TMTC2: variants seen among roughly 807,000 people sequenced by gnomAD.
TMTC2 encodes protein O-mannosyl-transferase TMTC2.
In TMTC2, 43 loss-of-function variants were observed where a neutral mutation model predicts 82.4. The ratio of observed to expected loss-of-function variants is 0.52; its 90% CI spans 0.41 to 0.67. The LOEUF is 0.67. Ranked by LOEUF, TMTC2 falls within the 30% of genes least tolerant of loss-of-function variation. The pLI, the probability that TMTC2 is intolerant of heterozygous loss-of-function variation, is 0.00. For missense variants in TMTC2, 919 were observed against 1,012.4 expected, an observed-to-expected ratio of 0.91 and a Z score of 1.25; for synonymous variants, 408 against 381.9, an observed-to-expected ratio of 1.07 and a Z score of -0.80.
intron 1 of TMTC2, among the ~76,000 whole-genome samples, chr12:82,844,527 C>T (rs959486712): frequency 6.6e-6 from 1 of 152,024 alleles, no homozygotes; most frequent in Non-Finnish European, 1.5e-5. Context: ...TCCAGCCGGG[C>T]GCAGTGGCTC....
intron 1 of TMTC2, among the ~76,000 whole-genome samples, chr12:82,836,858 C>T (rs1166909433): frequency 6.6e-6 from 1 of 152,050 alleles, no homozygotes; most frequent in East Asian, 1.9e-4. Context: ...TTTGACCAGC[C>T]TTCATTCCTT....
intron 11 of TMTC2, among the ~76,000 whole-genome samples, chr12:83,103,267 T>C (rs1038469140): frequency 7.9e-5 from 12 of 152,172 alleles, no homozygotes; most frequent in South Asian, 2.1e-4. Flanking sequence ...ACTCCCAATA[T>C]TGAGTCAAGA....
intron 3 of TMTC2, among the ~76,000 whole-genome samples, chr12:82,898,347 T>A (rs979100972): frequency 1.3e-5 from 2 of 152,240 alleles, no homozygotes; most frequent in Non-Finnish European, 2.9e-5. Flanking sequence ...TAAGGCTATG[T>A]TGCCAATTTA....
At chr12:83,116,136 C>T (rs755943454) in intron 11 of TMTC2, among the ~76,000 whole-genome samples, 15 of 152,168 alleles carry the variant, frequency 9.9e-5, no homozygotes, top group Non-Finnish European at 1.9e-4. Flanking sequence ...TTTGCATCCT[C>T]ATAGCTTAGC....
At chr12:82,806,991 C>G (rs761204544) in intron 1 of TMTC2, among the ~76,000 whole-genome samples, 2 of 152,104 alleles carry the variant, frequency 1.3e-5, no homozygotes, top group African/African-American at 4.8e-5. Flanking sequence ...TAGCACAGAA[C>G]CCTGTTGAGT....
At chr12:82,922,152 A>T (rs1329204514) in intron 3 of TMTC2, among the ~76,000 whole-genome samples, 1 of 152,162 alleles carries the variant, frequency 6.6e-6, no homozygotes, top group Non-Finnish European at 1.5e-5. Flanking sequence ...ATCACACTTC[A>T]CTGAAAGAAC....
At chr12:82,692,877 A>G (rs746219709) in intron 1 of TMTC2, among the ~76,000 whole-genome samples, 49 of 152,328 alleles carry the variant, frequency 3.2e-4, no homozygotes, top group Non-Finnish European at 5.7e-4. Flanking sequence ...TCATTGGGTG[A>G]AAAAGGCATA....
At chr12:82,711,930 T>G (rs1873641326) in intron 1 of TMTC2, among the ~76,000 whole-genome samples, 1 of 152,208 alleles carries the variant, frequency 6.6e-6, no homozygotes. Context: ...TAGAGAGAAG[T>G]GAATTCTCCT....
chr12:82,728,321 TTAAG>T (rs1874568908), intron 1 of TMTC2, among the ~76,000 whole-genome samples: 1 of 152,136 alleles, frequency 6.6e-6, no homozygotes, highest in African/African-American at 2.4e-5. Flanking sequence ...TTATGATTAT[TTAAG>T]TTTCTTAGTT....
intron 8 of TMTC2, among the ~76,000 whole-genome samples, chr12:83,007,491 A>C (rs1013183296): frequency 1.3e-5 from 2 of 152,122 alleles, no homozygotes; most frequent in African/African-American, 4.8e-5. Flanking sequence ...TGGACACTTT[A>C]TACTAAGTAT....
chr12:82,765,454 C>A (rs1876899446), intron 1 of TMTC2, among the ~76,000 whole-genome samples: 1 of 152,104 alleles, frequency 6.6e-6, no homozygotes, highest in African/African-American at 2.4e-5. Flanking sequence ...GCGGGCAGAT[C>A]ACCTGAGGTT....
chr12:83,106,029 A>C (rs1884381028), intron 11 of TMTC2, among the ~76,000 whole-genome samples: 1 of 152,230 alleles, frequency 6.6e-6, no homozygotes, highest in Non-Finnish European at 1.5e-5. Context: ...AAGGAAAAAT[A>C]CTGTTGAAAT....
At chr12:82,788,802 T>C (rs1296196424) in intron 1 of TMTC2, among the ~76,000 whole-genome samples, 1 of 152,110 alleles carries the variant, frequency 6.6e-6, no homozygotes, top group Non-Finnish European at 1.5e-5. Flanking sequence ...TCCAGGGTGC[T>C]GAAGTTCTAA....
At chr12:82,737,291 A>T (rs1875174706) in intron 1 of TMTC2, among the ~76,000 whole-genome samples, 1 of 152,188 alleles carries the variant, frequency 6.6e-6, no homozygotes, top group South Asian at 2.1e-4. Context: ...ATCCTACATT[A>T]TGTTCAGCTA....
At chr12:83,001,829 A>G (rs1476510013) in intron 8 of TMTC2, among the ~76,000 whole-genome samples, 1 of 152,068 alleles carries the variant, frequency 6.6e-6, no homozygotes, top group African/African-American at 2.4e-5. Flanking sequence ...AGACCACCTC[A>G]GCCTTAATTT....
At chr12:82,917,520 A>G (rs1288195753) in intron 3 of TMTC2, among the ~76,000 whole-genome samples, 1 of 152,140 alleles carries the variant, frequency 6.6e-6, no homozygotes, top group African/African-American at 2.4e-5. Context: ...ATGATAATGT[A>G]AGCTCATTTG....
intron 1 of TMTC2, among the ~76,000 whole-genome samples, chr12:82,844,624 AC>A (rs1870530975): frequency 6.6e-6 from 1 of 151,962 alleles, no homozygotes; most frequent in South Asian, 2.1e-4. Flanking sequence ...ACACAGAGGA[AC>A]CCCGTCTCTA....
Position 82,687,538 on chromosome 12 carries a change from G to A in TMTC2, c.-49G>A. On this transcript the variant is annotated 5_prime_UTR_variant, in exon 1 of 12. Transcript: ENST00000321196. ...ATTGATGCTTCTGTTTTTTGTTGCC[G>A]CTGCTGCCCTCGCGCTGGGAGCCGA... is the stretch of plus-strand genomic sequence containing the variant. The A allele has an allele frequency of 1.3e-6, 2 of 1,548,388 alleles. No homozygotes were observed. Among genetic ancestry groups the A allele is most frequent in the East Asian group, 4.6e-5 (2 of 43,570 alleles).
intron 2 of TMTC2, among the ~76,000 whole-genome samples, chr12:82,875,368 A>G (rs1458642637): frequency 2.0e-5 from 3 of 147,474 alleles, no homozygotes; most frequent in Non-Finnish European, 4.4e-5. Context: ...TAAATCATAT[A>G]TGTGTGTATA....
Sources: allele counts gnomAD v4.1 joint callset (sites outside exome capture counted in the v4.1 genomes callset), GRCh38; gene constraint gnomAD v4.1.1; transcripts MANE v1.5; gene names NCBI Gene and HGNC (gene_info 2026-07-23, HGNC 2026-07-21).